CLN8: variants seen among roughly 807,000 people sequenced by gnomAD.
CLN8 encodes CLN8 transmembrane ER and ERGIC protein, also known as protein CLN8.
Under a neutral mutation model 15.7 loss-of-function variants are expected in CLN8, and 14 were observed. The observed-to-expected ratio is 0.89, with a 90% CI of 0.59 to 1.39. The LOEUF is 1.39. CLN8 is among the 40% of genes most tolerant of loss of function. The probability of loss-of-function intolerance (pLI) is 0.00; values close to 1 mark genes in which losing one functional copy is unlikely to be tolerated. For missense variants in CLN8, 415 were observed against 364.0 expected, an observed-to-expected ratio of 1.14 and a Z score of -1.14; for synonymous variants, 188 against 151.0, an observed-to-expected ratio of 1.25 and a Z score of -1.80.
At chr8:1,753,912 C>T (rs542773071), upstream of CLN8, among the ~76,000 whole-genome samples, 9 of 151,932 alleles carry the variant, frequency 5.9e-5, no homozygotes, top group African/African-American at 1.7e-4. Context: ...AAGAAAATTT[C>T]TCATTCTCTT....
intron 2 of CLN8, among the ~76,000 whole-genome samples, chr8:1,772,689 A>G (rs939596698): frequency 4.6e-5 from 7 of 152,050 alleles, no homozygotes; most frequent in African/African-American, 1.7e-4. Flanking sequence ...TGTGTTGGCC[A>G]GGCTGGTCTT....
Position 1,770,972 on chromosome 8 carries a change from T to G in CLN8, c.-83T>G, listed in dbSNP as rs1801273539. The G allele has an allele frequency of 7.6e-7, 1 of 1,316,126 alleles. No individual in the cohort carries two copies. The highest frequency in any genetic ancestry group is 1.4e-5 in the African/African-American group (1 of 69,288). 81.5% of individuals were successfully genotyped at this position (1,316,126 alleles called of 1,614,324 possible). On this transcript the variant is annotated 5_prime_UTR_variant, in exon 2 of 3. Transcript: ENST00000331222. ...GTGACAATCCCAGGGACCGCTGCACTGACTTCATTTCCTTAGACAAGACAC... is the reference window on the plus strand; with the variant it reads ...GTGACAATCCCAGGGACCGCTGCACGGACTTCATTTCCTTAGACAAGACAC...
chr8:1,777,375 C>T (rs1801561669), intron 2 of CLN8, among the ~76,000 whole-genome samples: 1 of 152,162 alleles, frequency 6.6e-6, no homozygotes, highest in African/African-American at 2.4e-5. Flanking sequence ...CCTAGAACGT[C>T]ACTGTACTCT....
upstream of CLN8, chr8:1,760,368 G>A (rs1304851175): frequency 6.6e-6 from 1 of 152,182 alleles, no homozygotes; most frequent in Non-Finnish European, 1.5e-5. Flanking sequence ...GGCGGGAGGG[G>A]AGTACACAGG....
chr8:1,778,898 T>TC (rs1203143585), intron 2 of CLN8, among the ~76,000 whole-genome samples: 2 of 152,194 alleles, frequency 1.3e-5, no homozygotes, highest in Non-Finnish European at 2.9e-5. Context: ...AAATATTGTG[T>TC]CAGAAATGTG....
chr8:1,770,264 C>T (rs535406242), intron 1 of CLN8, among the ~76,000 whole-genome samples: 1 of 152,164 alleles, frequency 6.6e-6, no homozygotes, highest in East Asian at 1.9e-4. Flanking sequence ...AGGAGAGGGC[C>T]CAGCAGCTGC....
intron 1 of CLN8, among the ~76,000 whole-genome samples, chr8:1,766,491 G>T (rs1801062682): frequency 6.7e-6 from 1 of 148,710 alleles, no homozygotes; most frequent in African/African-American, 2.5e-5. Flanking sequence ...CCAGGTTCCC[G>T]CCATTCTCCT....
upstream of CLN8, chr8:1,763,753 CGAACGCGCGTGCGCGGG>C (rs1186739384): frequency 2.0e-4 from 29 of 148,130 alleles, no homozygotes; most frequent in Admixed American, 1.5e-3. Context: ...CACGCGCGTG[CGAACGCGCGTGCGCGGG>C]CGGTGTTTGA....
intron 2 of CLN8, among the ~76,000 whole-genome samples, chr8:1,771,863 C>A (rs1801321003): frequency 6.6e-6 from 1 of 151,964 alleles, no homozygotes; most frequent in Non-Finnish European, 1.5e-5. Flanking sequence ...AAAGAAAGCT[C>A]AGTAGATTTT....
upstream of CLN8, chr8:1,755,635 G>T (rs1424902198): frequency 6.6e-6 from 1 of 152,214 alleles, no homozygotes; most frequent in Non-Finnish European, 1.5e-5. Flanking sequence ...CTGGGGGTTG[G>T]ACGCACCACA....
chr8:1,761,012 CTTTTTTT>C (rs61327257), upstream of CLN8, among the ~76,000 whole-genome samples: 2 of 67,564 alleles, frequency 3.0e-5, no homozygotes, highest in African/African-American at 1.2e-4. Flanking sequence ...CTATAGCCAT[CTTTTTTT>C]TTTTTTTTTT....
intron 2 of CLN8, chr8:1,773,106 A>G (rs1378838083): frequency 7.7e-6 from 3 of 391,506 alleles, no homozygotes. Context: ...CTGGGAACTC[A>G]AGGAGGAACT....
At chr8:1,758,792 T>C (rs760498713), upstream of CLN8, 2 of 152,246 alleles carry the variant, frequency 1.3e-5, no homozygotes, top group African/African-American at 2.4e-5. Flanking sequence ...ATAGAAAGGA[T>C]TGTCTGGGTT....
At chr8:1,777,040 C>G (rs1801547185) in intron 2 of CLN8, among the ~76,000 whole-genome samples, 1 of 152,136 alleles carries the variant, frequency 6.6e-6, no homozygotes, top group Non-Finnish European at 1.5e-5. Context: ...AGAAATGTGT[C>G]CTTAGGCTAT....
chr8:1,758,896 TC>T (rs1012162021), upstream of CLN8: 5 of 152,296 alleles, frequency 3.3e-5, no homozygotes, highest in Admixed American at 2.0e-4. Flanking sequence ...CTCTCCTAGA[TC>T]AGGGAAAAGA....
upstream of CLN8, among the ~76,000 whole-genome samples, chr8:1,761,153 G>T (rs190861619): frequency 5.9e-3 from 894 of 151,398 alleles, 12 homozygotes; most frequent in African/African-American, 0.021. Context: ...CCACGTAGCT[G>T]GGATTACAGG....
chr8:1,768,189 C>T (rs540228096), intron 1 of CLN8, among the ~76,000 whole-genome samples: 2 of 152,092 alleles, frequency 1.3e-5, no homozygotes, highest in East Asian at 1.9e-4. Context: ...AGTGATTCAC[C>T]CACCTTGGCT....
intron 2 of CLN8, among the ~76,000 whole-genome samples, chr8:1,771,970 C>T (rs1484335890): frequency 2.0e-5 from 3 of 151,400 alleles, no homozygotes; most frequent in Admixed American, 2.0e-4. Context: ...GAGCCTCACT[C>T]TGTCGCCCAG....
At chr8:1,758,342 G>A (rs536477223) in intron 1 of CLN8, 1 of 151,950 alleles carries the variant, frequency 6.6e-6, no homozygotes, top group East Asian at 1.9e-4. Context: ...AGTCAAATTT[G>A]TAAATTAGTT....
Sources: gnomAD v4.1 joint callset for allele counts (sites outside exome capture counted in the v4.1 genomes callset) on GRCh38, gnomAD v4.1.1 for gene constraint, MANE v1.5 for transcripts, NCBI Gene and HGNC (gene_info 2026-07-23, HGNC 2026-07-21) for gene names.